The following KBTBD11 variants were observed in gnomAD, a reference collection of about 807,000 sequenced individuals.
KBTBD11 encodes the protein kelch repeat and BTB domain-containing protein 11.
For missense variants in KBTBD11, 1,390 were observed against 1,001.8 expected, an observed-to-expected ratio of 1.39 and a Z score of -5.23; for synonymous variants, 747 against 499.0, an observed-to-expected ratio of 1.50 and a Z score of -6.63.
rs1366333111 is a variant in KBTBD11 at position 2,006,162 on chromosome 8, A to C, written c.*3098A>C. 1 of 167,108 alleles carries C rather than the reference A, an allele frequency of 6.0e-6. No individual in the cohort carries two copies. The highest frequency in any genetic ancestry group is 2.4e-5 in the African/African-American group (1 of 41,474). The allele number at this position is 167,108 out of a possible 1,614,324, so 10.4% of individuals were successfully genotyped here. A position where few individuals can be genotyped will look rare whatever the true frequency, so the allele number is the denominator to read the frequency against. ...TTGGCTACAAATAAGTAAGAAATTA[A>C]TCATCTGCTCTGTTTCTGCTAATTT... On this transcript the variant is annotated 3_prime_UTR_variant, in exon 2 of 2. Coordinates refer to ENST00000320248, the MANE Select transcript of KBTBD11 (RefSeq NM_014867.3).
At chr8:1,986,722 A>G (rs1585733148) in intron 1 of KBTBD11, among the ~76,000 whole-genome samples, 1 of 152,318 alleles carries the variant, frequency 6.6e-6, no homozygotes, top group East Asian at 1.9e-4. Context: ...ATTGATAAAT[A>G]ATGGTAGTTG....
In KBTBD11 at chr8:2,001,657, G is replaced by A. The variant is rs1228996219; in HGVS notation, c.465G>A (p.Lys155=). ...EVSGRRLRAH[K]AVLAARSDYF... ...CGGGGCGCCGGCTGCGCGCGCACAA[G>A]GCGGTGCTGGCGGCGCGCAGCGACT... The change falls in exon 2 of 2, where the codon AAG becomes AAA. Residue 155 remains lysine, a synonymous_variant. Coordinates refer to ENST00000320248, the MANE Select transcript of KBTBD11 (RefSeq NM_014867.3). 31 of 1,468,092 alleles carry A rather than the reference G, an allele frequency of 2.1e-5. No individual in the cohort carries two copies. The highest frequency in any genetic ancestry group is 4.8e-4 in the Middle Eastern group (2 of 4,134). 90.9% of individuals were successfully genotyped at this position (1,468,092 alleles called of 1,614,324 possible). A position where few individuals can be genotyped will look rare whatever the true frequency, so the allele number is the denominator to read the frequency against.
In KBTBD11 at chr8:2,003,068, G is replaced by A; in HGVS notation, c.*4G>A. On this transcript the variant is annotated 3_prime_UTR_variant, in exon 2 of 2. Coordinates refer to ENST00000320248, the MANE Select transcript of KBTBD11 (RefSeq NM_014867.3). ...AGGGGAGCAGGGCGCCCCGTAGGCCGGCGGGGTCGGCGGGCGTCTCCCTCG... is the reference window on the plus strand; with the variant it reads ...AGGGGAGCAGGGCGCCCCGTAGGCCAGCGGGGTCGGCGGGCGTCTCCCTCG... The A allele has an allele frequency of 1.6e-6, 2 of 1,257,376 alleles. No individual in the cohort carries two copies. Among genetic ancestry groups the A allele is most frequent in the Non-Finnish European group, 2.0e-6 (2 of 999,788 alleles). The allele number at this position is 1,257,376 out of a possible 1,614,324, so 77.9% of individuals were successfully genotyped here.
chr8:1,989,062 G>C (rs775049535), intron 1 of KBTBD11, among the ~76,000 whole-genome samples: 1 of 152,122 alleles, frequency 6.6e-6, no homozygotes, highest in Non-Finnish European at 1.5e-5. Flanking sequence ...GCTCAGAGTT[G>C]GGTTTCAGAG....
Position 2,001,388 on chromosome 8 carries a change from C to A in KBTBD11, c.196C>A (p.Pro66Thr), listed in dbSNP as rs1817344832. Reference sequence around the variant, plus strand: ...GGCGGAAGGCGCGGCCACCTCCCCGCCCTCCAGCGGTGGCCCGCGGGTGGT... The same window carrying A: ...GGCGGAAGGCGCGGCCACCTCCCCGACCTCCAGCGGTGGCCCGCGGGTGGT... ...SAAEGAATSP[P>T]SSGGPRVVER... The change falls in exon 2 of 2, where the codon CCC becomes ACC. Residue 66 changes from proline (P) to threonine (T), a missense_variant. Physicochemically the swap from Pro to Thr is conservative, Grantham distance 38. Transcript: ENST00000320248. 6.9e-7 allele frequency: 1 copy of A among 1,452,956 alleles called. No individual in the cohort carries two copies. 90.0% of individuals were successfully genotyped at this position (1,452,956 alleles called of 1,614,324 possible).
chr8:1,994,293 C>T (rs1319098615), intron 1 of KBTBD11, among the ~76,000 whole-genome samples: 2 of 152,252 alleles, frequency 1.3e-5, no homozygotes, highest in East Asian at 3.9e-4. Context: ...CCATCTCCTG[C>T]TGCGTCAATG....
chr8:1,980,993 G>C (rs950809982), intron 1 of KBTBD11, among the ~76,000 whole-genome samples: 1 of 152,200 alleles, frequency 6.6e-6, no homozygotes, highest in Non-Finnish European at 1.5e-5. Context: ...CATTGCAACA[G>C]GGCAAAATAG....
At chr8:1,988,788 C>T (rs370646173) in intron 1 of KBTBD11, among the ~76,000 whole-genome samples, 83 of 152,044 alleles carry the variant, frequency 5.5e-4, no homozygotes, top group African/African-American at 1.9e-3. Context: ...TAGTAGCTGG[C>T]GCGCTGTCTG....
In KBTBD11 at chr8:1,977,497, C is replaced by T. The variant is rs1022483166; in HGVS notation, c.-909+3562C>T. Among the ~76,000 whole-genome samples, 9 of 152,122 alleles carry T rather than the reference C, an allele frequency of 5.9e-5. No homozygotes were observed. The East Asian group carries it at 1.4e-3, about 23-fold the overall frequency. On this transcript the variant is annotated intron_variant, in intron 1 of 1. Transcript: ENST00000320248. The stretch of plus-strand genomic sequence containing the variant: ...ACATCCTCTCTTTGAACAGGTCCTC[C>T]TGCAGTAGTCAGAACAATGATTTTT...
intron 1 of KBTBD11, among the ~76,000 whole-genome samples, chr8:1,984,069 G>A (rs1400276908): frequency 6.6e-6 from 1 of 152,236 alleles, no homozygotes; most frequent in Non-Finnish European, 1.5e-5. Context: ...GGTAGAGGTT[G>A]CAGTGAGCCA....
rs1484518465 is a variant in KBTBD11 at position 2,005,480 on chromosome 8, GAA to G, written c.*2419_*2420del. ...CTAGGGTTTGCACCCATGAAACAGA[GAA>G]AAGCCACACCCTCCAAGGTGTGGCT... On this transcript the variant is annotated 3_prime_UTR_variant, in exon 2 of 2. Transcript: ENST00000320248. The G allele has an allele frequency of 6.5e-6, 1 of 154,154 alleles. No individual in the cohort carries two copies. Among genetic ancestry groups the G allele is most frequent in the African/African-American group, 2.6e-5 (1 of 38,788 alleles). The allele number at this position is 154,154 out of a possible 1,614,324, so 9.5% of individuals were successfully genotyped here. A position where few individuals can be genotyped will look rare whatever the true frequency, so the allele number is the denominator to read the frequency against.
chr8:1,994,087 C>T (rs1817043046), intron 1 of KBTBD11, among the ~76,000 whole-genome samples: 1 of 152,112 alleles, frequency 6.6e-6, no homozygotes, highest in African/African-American at 2.4e-5. Flanking sequence ...GTTTACCGGC[C>T]TACGGAGCTT....
intron 1 of KBTBD11, among the ~76,000 whole-genome samples, chr8:1,981,168 A>G (rs548426782): frequency 7.6e-4 from 116 of 152,302 alleles, no homozygotes; most frequent in African/African-American, 2.5e-3. Flanking sequence ...AAACTTGCCA[A>G]CCAAGATTTC....
At chr8:1,985,460 A>G (rs1428609837) in intron 1 of KBTBD11, among the ~76,000 whole-genome samples, 1 of 152,284 alleles carries the variant, frequency 6.6e-6, no homozygotes, top group African/African-American at 2.4e-5. Context: ...CTTCCACAGC[A>G]GCGTCTGTCC....
Position 2,002,539 on chromosome 8 carries a change from G to T in KBTBD11, c.1347G>T (p.Ala449=). Residue 449 remains alanine (A), a synonymous_variant, in exon 2 of 2, where the codon GCG becomes GCT. Coordinates refer to ENST00000320248, the MANE Select transcript of KBTBD11 (RefSeq NM_014867.3). This position sits in a 1 kb window ranked among gnomAD's most constrained non-coding sequence, Gnocchi z 4.1. The stretch of plus-strand genomic sequence containing the variant: ...TGCCCCGGGGCGCCTTCGCCGTGGC[G>T]CATGAGGCCACCACCTGCCACGGCG... ...APLPRGAFAV[A]HEATTCHGEI... The T allele has an allele frequency of 1.3e-6, 2 of 1,558,586 alleles. No homozygotes were observed. The highest frequency in any genetic ancestry group is 1.4e-5 in the African/African-American group (1 of 71,894).
intron 1 of KBTBD11, chr8:1,974,983 C>T (rs1280507604): frequency 1.3e-5 from 2 of 152,416 alleles, no homozygotes; most frequent in African/African-American, 4.8e-5. Flanking sequence ...CTCCATTTCC[C>T]ACTAAGGAGC....
chr8:1,989,747 C>A (rs1464404133), intron 1 of KBTBD11, among the ~76,000 whole-genome samples: 1 of 152,090 alleles, frequency 6.6e-6, no homozygotes, highest in Admixed American at 6.6e-5. Context: ...ACCTCCCTTG[C>A]GTCTGGCTGC....
intron 1 of KBTBD11, among the ~76,000 whole-genome samples, chr8:1,997,169 A>G (rs922501521): frequency 1.3e-5 from 2 of 152,116 alleles, no homozygotes; most frequent in Admixed American, 1.3e-4. Context: ...GTAATTTCAC[A>G]GTAACAAGGA....
chr8:1,985,062 G>A (rs991905967), intron 1 of KBTBD11, among the ~76,000 whole-genome samples: 3 of 152,186 alleles, frequency 2.0e-5, no homozygotes, highest in African/African-American at 4.8e-5. Flanking sequence ...CTGGGTCCTC[G>A]GAAGCCCCTG....
Sources: gnomAD v4.1 joint callset for allele counts (sites outside exome capture counted in the v4.1 genomes callset) on GRCh38, gnomAD v4.1.1 for gene constraint, Gnocchi (gnomAD v3.1) non-coding constraint, MANE v1.5 for transcripts, NCBI Gene and HGNC (gene_info 2026-07-23, HGNC 2026-07-21) for gene names.